PLA2G3: variants seen among roughly 807,000 people sequenced by gnomAD.
The protein encoded by PLA2G3 is phospholipase A2 group III.
In PLA2G3, 39 loss-of-function variants were observed where a neutral mutation model predicts 51.3. The ratio of observed to expected loss-of-function variants is 0.76; its 90% CI spans 0.59 to 0.99. The LOEUF is 0.99. Among genes scored for constraint, PLA2G3 ranks in the 50% least tolerant of loss-of-function variants. PLA2G3 has a pLI of 0.00. For synonymous variants in PLA2G3, 293 were observed against 263.1 expected (o/e 1.11, Z -1.10); for missense variants, 677 against 662.1 (o/e 1.02, Z -0.25).
Position 31,140,447 on chromosome 22 carries a change from G to C in PLA2G3, c.-93C>G. 1 of 1,421,504 alleles carries C rather than the reference G, an allele frequency of 7.0e-7. No homozygotes were observed. Among genetic ancestry groups the C allele is most frequent in the Non-Finnish European group, 9.4e-7 (1 of 1,062,854 alleles). The allele number at this position is 1,421,504 out of a possible 1,614,324, so 88.1% of individuals were successfully genotyped here. ...GCAGCTGAGCAGTGGAACGGAAGCG[G>C]AGCCCAGCAGGCCCGGTGCGGCGGG... On this transcript the variant is annotated 5_prime_UTR_variant, in exon 1 of 7. Transcript: ENST00000215885.
rs562117289 is a variant in PLA2G3, at chr22:31,134,889, C to T, written c.*834G>A. 2.1e-4 allele frequency: 33 copies of T among 156,594 alleles called. No homozygotes were observed. Among genetic ancestry groups the T allele is most frequent in the South Asian group, 6.2e-4 (3 of 4,870 alleles). 9.7% of individuals were successfully genotyped at this position (156,594 alleles called of 1,614,324 possible). A position where few individuals can be genotyped will look rare whatever the true frequency, so the allele number is the denominator to read the frequency against. On this transcript the variant is annotated 3_prime_UTR_variant, in exon 7 of 7. Coordinates refer to ENST00000215885, the MANE Select transcript of PLA2G3 (RefSeq NM_015715.5). The stretch of plus-strand genomic sequence containing the variant: ...TTCTTAGACCCATTTCACAGGTGAG[C>T]GAACTGAGGCCTTTAAAAGGTTACA...
Position 31,137,946 on chromosome 22 carries a change from G to T in PLA2G3, c.830C>A (p.Thr277Asn). The T allele has an allele frequency of 6.2e-7, 1 of 1,605,242 alleles. No individual in the cohort carries two copies. Among genetic ancestry groups the T allele is most frequent in the Non-Finnish European group, 8.5e-7 (1 of 1,176,170 alleles). The change falls in exon 4 of 7, where the codon ACC (threonine) becomes AAC (asparagine). Residue 277 changes from threonine (T) to asparagine (N), a missense_variant. By Grantham distance (65) the Thr-to-Asn change is moderately conservative. Coordinates refer to ENST00000215885, the MANE Select transcript of PLA2G3 (RefSeq NM_015715.5). Reference protein sequence around the residue: ...TVPLARLQPRTFYNASWSSRA... With the variant: ...TVPLARLQPRNFYNASWSSRA... ...GGAGCTCCAGGAGGCATTGTAGAAG[G>T]TCCTGGGCTGCAGGCGAGCGAGGGG...
rs1156456824 is a variant in PLA2G3, at chr22:31,138,422, C to T, written c.648-12G>A. The T allele has an allele frequency of 6.2e-7, 1 of 1,613,564 alleles. No homozygotes were observed. The highest frequency in any genetic ancestry group is 8.5e-7 in the Non-Finnish European group (1 of 1,179,772). ...GGCATTGCTGAAACCTGCCCCAGAA[C>T]AGATACCCAGGACCCTGGGGCATGG... On this transcript the variant is annotated splice_polypyrimidine_tract_variant and intron_variant, in intron 2 of 6. Transcript: ENST00000215885.
At position 31,136,955 on chromosome 22, in the gene PLA2G3, C is replaced by T. The variant is rs1419756061; in HGVS notation, c.1152G>A (p.Leu384=). The T allele has an allele frequency of 1.9e-6, 3 of 1,596,750 alleles. No homozygotes were observed. Among genetic ancestry groups the T allele is most frequent in the African/African-American group, 2.7e-5 (2 of 74,316 alleles). ...QIGPREIEFQ[L]LNSAQEPLFH... ...AGAGGGGCTCTTGGGCGCTGTTGAGCAGCTGGAACTCGATTTCCCGGGGCC... is the reference window on the plus strand; with the variant it reads ...AGAGGGGCTCTTGGGCGCTGTTGAGTAGCTGGAACTCGATTTCCCGGGGCC... Residue 384 remains leucine (L), a synonymous_variant, in exon 5 of 7, where the codon CTG becomes CTA. Coordinates refer to ENST00000215885, the MANE Select transcript of PLA2G3 (RefSeq NM_015715.5).
At chr22:31,137,207 C>G (rs77357222) in intron 4 of PLA2G3, among the ~76,000 whole-genome samples, 167 bp from the exon 5 acceptor site, 2,304 of 152,334 alleles carry the variant, frequency 0.015, 56 homozygotes, top group East Asian at 0.073. Context: ...GCCCTTGTGG[C>G]AGTGCCTCCC....
Position 31,137,777 on chromosome 22 carries a change from C to T in PLA2G3, c.999G>A (p.Met333Ile). 8 of 1,613,936 alleles carry T rather than the reference C, an allele frequency of 5.0e-6. No homozygotes were observed. Among genetic ancestry groups the T allele is most frequent in the Non-Finnish European group, 6.8e-6 (8 of 1,179,978 alleles). ...KANTTALQDP[M>I]VSPRLDVAPT... ...GGGCCACATCAAGCCTGGGAGAGAC[C>T]ATAGGGTCCTGGAGGGCTGTGGTGT... is the stretch of plus-strand genomic sequence containing the variant. The change falls in exon 4 of 7, where the codon ATG becomes ATA. Residue 333 changes from methionine to isoleucine, a missense_variant. Coordinates refer to ENST00000215885, the MANE Select transcript of PLA2G3 (RefSeq NM_015715.5).
At position 31,136,824 on chromosome 22, in the gene PLA2G3, C is replaced by T. The variant is rs201959335; in HGVS notation, c.1200-25G>A. On this transcript the variant is annotated intron_variant, in intron 5 of 6. Coordinates refer to ENST00000215885, the MANE Select transcript of PLA2G3 (RefSeq NM_015715.5). ...ACTGAGAACAGAGGCAGGCTCAGGC[C>T]GGGGCAGGGCCTTGCCAGCCAGGGG... 5.7e-5 allele frequency: 91 copies of T among 1,601,680 alleles called. 1 individual carries two copies. Among genetic ancestry groups the T allele is most frequent in the South Asian group, 4.3e-4 (39 of 90,194 alleles).
intron 3 of PLA2G3, 53 bp downstream of exon 3, chr22:31,138,223 G>A: frequency 6.3e-7 from 1 of 1,592,106 alleles, no homozygotes; most frequent in Non-Finnish European, 8.6e-7. Context: ...ACCAGGCTTG[G>A]AGCCTGGGCT....
Position 31,136,962 on chromosome 22 carries a change from A to G in PLA2G3, c.1145T>C (p.Phe382Ser). ...EHQIGPREIE[F>S]QLLNSAQEPL... Reference sequence around the variant, plus strand: ...CTCTTGGGCGCTGTTGAGCAGCTGGAACTCGATTTCCCGGGGCCCAATCTG... The same window carrying G: ...CTCTTGGGCGCTGTTGAGCAGCTGGGACTCGATTTCCCGGGGCCCAATCTG... Residue 382 changes from phenylalanine to serine, a missense_variant, in exon 5 of 7, where the codon TTC (phenylalanine) becomes TCC (serine). By Grantham distance (155) the Phe-to-Ser change is radical. Transcript: ENST00000215885. 7 of 1,590,968 alleles carry G rather than the reference A, an allele frequency of 4.4e-6. No individual in the cohort carries two copies. The highest frequency in any genetic ancestry group is 6.0e-6 in the Non-Finnish European group (7 of 1,169,394).
intron 6 of PLA2G3, 76 bp from the exon 7 acceptor site, chr22:31,136,012 G>A (rs1922539258): frequency 1.6e-6 from 2 of 1,245,260 alleles, no homozygotes; most frequent in East Asian, 4.7e-5. Flanking sequence ...AGTGGGCTGA[G>A]GCCCAGAGAG....
chr22:31,138,457 T>G, intron 2 of PLA2G3, 47 bp from the exon 3 acceptor site: 1 of 1,603,750 alleles, frequency 6.2e-7, no homozygotes, highest in South Asian at 1.1e-5. Context: ...GAGGGCTGTC[T>G]GGCTCCTCCC....
rs1184495187 is a variant in PLA2G3 at position 31,137,774 on chromosome 22, G to C, written c.1002C>G (p.Val334=). The change falls in exon 4 of 7, where the codon GTC becomes GTG. Residue 334 remains valine, a synonymous_variant. Coordinates refer to ENST00000215885, the MANE Select transcript of PLA2G3 (RefSeq NM_015715.5). ...TGGGGGCCACATCAAGCCTGGGAGA[G>C]ACCATAGGGTCCTGGAGGGCTGTGG... is the stretch of plus-strand genomic sequence containing the variant. The part of the protein sequence containing the change: ...ANTTALQDPM[V]SPRLDVAPTG... The C allele has an allele frequency of 5.0e-6, 8 of 1,613,930 alleles. No homozygotes were observed. Among genetic ancestry groups the C allele is most frequent in the East Asian group, 2.2e-5 (1 of 44,882 alleles).
intron 5 of PLA2G3, 34 bp downstream of exon 5, chr22:31,136,874 C>T (rs533681092): frequency 6.2e-7 from 1 of 1,602,298 alleles, no homozygotes; most frequent in Non-Finnish European, 8.5e-7. Context: ...TGGCAGCAGG[C>T]AGCCCACCCC....
rs772449841 is a variant in PLA2G3 at position 31,140,252 on chromosome 22, T to C, written c.103A>G (p.Lys35Glu). Residue 35 changes from lysine (K) to glutamate (E), a missense_variant, in exon 1 of 7, where the codon AAG becomes GAG. Transcript: ENST00000215885. Reference protein sequence around the residue: ...RWYRTSCHLTKAVPGNPLGYL... With the variant: ...RWYRTSCHLTEAVPGNPLGYL... ...CCCAGTGGGTTGCCAGGGACGGCCT[T>C]GGTCAAGTGGCAGGAGGTCCTGTAC... 4 of 1,612,522 alleles carry C rather than the reference T, an allele frequency of 2.5e-6. No homozygotes were observed. In the South Asian group the frequency reaches 4.4e-5, roughly 18 times the overall value.
intron 6 of PLA2G3, 95 bp downstream of exon 6, chr22:31,136,588 C>A: frequency 1.0e-6 from 1 of 965,068 alleles, no homozygotes; most frequent in East Asian, 2.4e-5. Context: ...CTCCGGATCC[C>A]TTCCCCTACC....
chr22:31,137,793 G>T lies in PLA2G3; in HGVS notation c.983C>A (p.Ala328Asp). 6.2e-7 allele frequency: 1 copy of T among 1,614,006 alleles called. No individual in the cohort carries two copies. The highest frequency in any genetic ancestry group is 2.2e-5 in the East Asian group (1 of 44,882). ...SKRPSKANTT[A>D]LQDPMVSPRL... The stretch of plus-strand genomic sequence containing the variant: ...GGGAGAGACCATAGGGTCCTGGAGG[G>T]CTGTGGTGTTGGCTTTGCTGGGGCG... The change falls in exon 4 of 7, where the codon GCC (alanine) becomes GAC (aspartate). Residue 328 changes from alanine to aspartate, a missense_variant. Physicochemically the swap from Ala to Asp is moderately radical, Grantham distance 126. Transcript: ENST00000215885.
chr22:31,137,662 G>A, intron 4 of PLA2G3, 48 bp downstream of exon 4: 1 of 1,518,742 alleles, frequency 6.6e-7, no homozygotes. Flanking sequence ...ACAGAAGCAG[G>A]GACACCCCCT....
chr22:31,136,849 GCCCC>G, intron 5 of PLA2G3, 50 bp from the exon 6 acceptor site: 1 of 1,601,080 alleles, frequency 6.2e-7, no homozygotes. Flanking sequence ...CCAGCCAGGG[GCCCC>G]TTCCCATGCC....
intron 6 of PLA2G3, among the ~76,000 whole-genome samples, chr22:31,136,249 G>A (rs772435322): frequency 3.9e-5 from 6 of 152,218 alleles, no homozygotes; most frequent in Non-Finnish European, 5.9e-5. Context: ...GCTCACGCCT[G>A]TAATCCCAGC....
Sources: allele counts gnomAD v4.1 joint callset (sites outside exome capture counted in the v4.1 genomes callset), GRCh38; gene constraint gnomAD v4.1.1; transcripts MANE v1.5; gene names NCBI Gene and HGNC (gene_info 2026-07-23, HGNC 2026-07-21).